WNT6: variants seen among roughly 807,000 people sequenced by gnomAD.
WNT6 encodes the protein Wnt family member 6, also known as protein Wnt-6.
A neutral mutation model predicts 33.1 loss-of-function variants in WNT6; 27 were observed. The observed-to-expected ratio is 0.82, with a 90% CI of 0.60 to 1.12. WNT6 has a LOEUF of 1.12. Ranked by LOEUF, WNT6 falls within the 50% of genes most tolerant of loss-of-function variation. The pLI, the probability that WNT6 is intolerant of heterozygous loss-of-function variation, is 0.00. For synonymous variants in WNT6, 249 were observed against 242.8 expected (o/e 1.03, Z -0.24); for missense variants, 494 against 535.3 (o/e 0.92, Z 0.76).
At position 218,860,013 on chromosome 2, in the gene WNT6, C is replaced by A; in HGVS notation, c.-25C>A. ...GCCCCGCAGCCTCGCCCCCTGCCCA[C>A]CCGGGCGGCCGTAGGGCGGTCACGA... On this transcript the variant is annotated 5_prime_UTR_variant, in exon 1 of 4. Coordinates refer to ENST00000233948, the MANE Select transcript of WNT6 (RefSeq NM_006522.4). The A allele has an allele frequency of 7.0e-7, 1 of 1,429,368 alleles. No individual in the cohort carries two copies. The highest frequency in any genetic ancestry group is 1.4e-5 in the South Asian group (1 of 72,794). 88.5% of individuals were successfully genotyped at this position (1,429,368 alleles called of 1,614,324 possible). A position where few individuals can be genotyped will look rare whatever the true frequency, so the allele number is the denominator to read the frequency against.
rs1944384792 is a variant in WNT6, at chr2:218,869,748, A to G, written c.81-1279A>G. On this transcript the variant is annotated intron_variant, in intron 1 of 3. Coordinates refer to ENST00000233948, the MANE Select transcript of WNT6 (RefSeq NM_006522.4). ...TTAACCTTCAGGGGTCTGGTATACC[A>G]AAACCAAATGTCAGCTCTCTCCTTG... Among the ~76,000 whole-genome samples the G allele has an allele frequency of 3.3e-5, 5 of 152,238 alleles. No homozygotes were observed. In the South Asian group the frequency reaches 1.0e-3, roughly 32 times the overall value.
intron 1 of WNT6, among the ~76,000 whole-genome samples, chr2:218,863,179 C>T (rs1483260771): frequency 1.3e-5 from 2 of 152,146 alleles, no homozygotes; most frequent in Non-Finnish European, 2.9e-5. Context: ...TCTTCCAGTC[C>T]CCTAAATCCC....
Position 218,871,400 on chromosome 2 carries a change from G to A in WNT6, c.302-85G>A, listed in dbSNP as rs1391169229. 1.3e-6 allele frequency: 2 copies of A among 1,520,214 alleles called. No homozygotes were observed. The highest frequency in any genetic ancestry group is 1.4e-5 in the African/African-American group (1 of 72,826). The allele number at this position is 1,520,214 out of a possible 1,614,324, so 94.2% of individuals were successfully genotyped here. Reference sequence around the variant, plus strand: ...AGGACCCTGCCTCCCAGGCCCCTGGGGCAGCCCTCCCGCCGCAGGTTTCAG... The same window carrying A: ...AGGACCCTGCCTCCCAGGCCCCTGGAGCAGCCCTCCCGCCGCAGGTTTCAG... On this transcript the variant is annotated intron_variant, in intron 2 of 3. Coordinates refer to ENST00000233948, the MANE Select transcript of WNT6 (RefSeq NM_006522.4). The surrounding 1 kb of genome is among the most constrained non-coding windows in gnomAD (Gnocchi z 6.4).
At chr2:218,869,410 G>T (rs530811199) in intron 1 of WNT6, among the ~76,000 whole-genome samples, 23 of 152,206 alleles carry the variant, frequency 1.5e-4, no homozygotes, top group Admixed American at 5.2e-4. Context: ...TTTCATTGTT[G>T]TGGAGCCAGA....
intron 1 of WNT6, 92 bp downstream of exon 1, chr2:218,860,209 T>C: frequency 8.3e-7 from 1 of 1,203,746 alleles, no homozygotes; most frequent in South Asian, 2.1e-5. Flanking sequence ...GCCTCCCGGC[T>C]CTACCTGCTC....
intron 1 of WNT6, among the ~76,000 whole-genome samples, chr2:218,869,917 C>T (rs114147843): frequency 0.01 from 1,590 of 152,272 alleles, 30 homozygotes; most frequent in African/African-American, 0.037. Flanking sequence ...CCATTCTGCT[C>T]AGAGAAGGCA....
chr2:218,861,039 A>C (rs1392150893), intron 1 of WNT6, among the ~76,000 whole-genome samples: 1 of 152,184 alleles, frequency 6.6e-6, no homozygotes, highest in Non-Finnish European at 1.5e-5. Context: ...TTGGACAATA[A>C]CGCTGACGGG....
chr2:218,864,703 AGGCCTAGGACAGCCTCATCT>A (rs1944339327), intron 1 of WNT6, among the ~76,000 whole-genome samples: 1 of 152,168 alleles, frequency 6.6e-6, no homozygotes, highest in African/African-American at 2.4e-5. Flanking sequence ...CAAGAGCCAG[AGGCCTAGGACAGCCTCATCT>A]GGCCCCACAG....
In WNT6 at chr2:218,873,882, G is replaced by T. The variant is rs1279938402; in HGVS notation, c.*37G>T. ...GCCGCTAGACTGACTTCGCGCAGCG[G>T]TGGCTCGCACCTGTGGGACCTCAGG... is the stretch of plus-strand genomic sequence containing the variant. On this transcript the variant is annotated 3_prime_UTR_variant, in exon 4 of 4. Coordinates refer to ENST00000233948, the MANE Select transcript of WNT6 (RefSeq NM_006522.4). The surrounding 1 kb of genome is among the most constrained non-coding windows in gnomAD (Gnocchi z 6.1). The T allele has an allele frequency of 7.1e-7, 1 of 1,413,084 alleles. No homozygotes were observed. The highest frequency in any genetic ancestry group is 9.2e-7 in the Non-Finnish European group (1 of 1,088,924). The allele number at this position is 1,413,084 out of a possible 1,614,324, so 87.5% of individuals were successfully genotyped here. A position where few individuals can be genotyped will look rare whatever the true frequency, so the allele number is the denominator to read the frequency against.
rs1310349406 is a variant in WNT6 at position 218,871,538 on chromosome 2, G to A, written c.355G>A (p.Ala119Thr). Residue 119 changes from alanine (A) to threonine (T), a missense_variant, in exon 3 of 4, where the codon GCC becomes ACC. Coordinates refer to ENST00000233948, the MANE Select transcript of WNT6 (RefSeq NM_006522.4). This position sits in a 1 kb window ranked among gnomAD's most constrained non-coding sequence, Gnocchi z 6.4. ...FAITAAGASH[A>T]VTQACSMGEL... ...CATCACTGCGGCCGGCGCCAGCCAC[G>A]CCGTCACGCAGGCCTGTTCTATGGG... 2 of 1,598,318 alleles carry A rather than the reference G, an allele frequency of 1.3e-6. No homozygotes were observed. The highest frequency in any genetic ancestry group is 1.7e-6 in the Non-Finnish European group (2 of 1,179,360).
rs1025181921 is a variant in WNT6, at chr2:218,860,018, G to C, written c.-20G>C. 5 of 1,433,046 alleles carry C rather than the reference G, an allele frequency of 3.5e-6. No homozygotes were observed. Among genetic ancestry groups the C allele is most frequent in the Non-Finnish European group, 1.8e-6 (2 of 1,091,200 alleles). 88.8% of individuals were successfully genotyped at this position (1,433,046 alleles called of 1,614,324 possible). Reference sequence around the variant, plus strand: ...GCAGCCTCGCCCCCTGCCCACCCGGGCGGCCGTAGGGCGGTCACGATGCTG... The same window carrying C: ...GCAGCCTCGCCCCCTGCCCACCCGGCCGGCCGTAGGGCGGTCACGATGCTG... On this transcript the variant is annotated 5_prime_UTR_variant, in exon 1 of 4. Transcript: ENST00000233948.
intron 1 of WNT6, among the ~76,000 whole-genome samples, chr2:218,866,660 G>A (rs1250065403): frequency 1.3e-5 from 2 of 152,202 alleles, no homozygotes; most frequent in African/African-American, 4.8e-5. Flanking sequence ...TGAAGAAACT[G>A]AGGCTCAGGA....
chr2:218,871,196 C>G lies in WNT6; in HGVS notation c.250C>G (p.Arg84Gly), dbSNP rs1172007017. The G allele has an allele frequency of 6.2e-7, 1 of 1,613,584 alleles. No individual in the cohort carries two copies. The highest frequency in any genetic ancestry group is 8.5e-7 in the Non-Finnish European group (1 of 1,179,888). ...GTGCCAGTTCCAGTTCCGCTTCCGC[C>G]GCTGGAATTGCTCCAGCCACAGCAA... ...RECQFQFRFR[R>G]WNCSSHSKAF... The change falls in exon 2 of 4, where the codon CGC becomes GGC. Residue 84 changes from arginine to glycine, a missense_variant. By Grantham distance (125) the Arg-to-Gly change is moderately radical (BLOSUM62 -2). Transcript: ENST00000233948. This position sits in a 1 kb window ranked among gnomAD's most constrained non-coding sequence, Gnocchi z 6.4.
Position 218,871,681 on chromosome 2 carries a change from C to G in WNT6, c.498C>G (p.Ala166=). The G allele has an allele frequency of 6.4e-7, 1 of 1,564,570 alleles. No individual in the cohort carries two copies. Among genetic ancestry groups the G allele is most frequent in the Non-Finnish European group, 8.6e-7 (1 of 1,156,482 alleles). The stretch of plus-strand genomic sequence containing the variant: ...CGGGCTCCCCGGAAGGCAGCGCCGC[C>G]TGGGAGTGGGGAGGCTGCGGCGACG... ...GPAGSPEGSA[A]WEWGGCGDDV... Residue 166 remains alanine, a synonymous_variant, in exon 3 of 4, where the codon GCC becomes GCG. Transcript: ENST00000233948. This position sits in a 1 kb window ranked among gnomAD's most constrained non-coding sequence, Gnocchi z 6.4.
Position 218,871,455 on chromosome 2 carries a change from C to G in WNT6, c.302-30C>G, listed in dbSNP as rs936929595. The G allele has an allele frequency of 3.8e-6, 6 of 1,589,558 alleles. No individual in the cohort carries two copies. Among genetic ancestry groups the G allele is most frequent in the Middle Eastern group, 1.7e-4 (1 of 5,868 alleles). ...CAGGCCCCAGCTGACCGCCCCAGCC[C>G]GCGCTGATTGCACCTGTCTGCATTC... On this transcript the variant is annotated intron_variant, in intron 2 of 3. Coordinates refer to ENST00000233948, the MANE Select transcript of WNT6 (RefSeq NM_006522.4). This position sits in a 1 kb window ranked among gnomAD's most constrained non-coding sequence, Gnocchi z 6.4.
Position 218,873,152 on chromosome 2 carries a change from G to A in WNT6, c.637-232G>A, listed in dbSNP as rs1944418564. On this transcript the variant is annotated intron_variant, in intron 3 of 3. Coordinates refer to ENST00000233948, the MANE Select transcript of WNT6 (RefSeq NM_006522.4). The surrounding 1 kb of genome is among the most constrained non-coding windows in gnomAD (Gnocchi z 6.1). ...AATCTCTGCGCTGCATATTGTCCCC[G>A]TCTCCCCTCTTCGTCATCATCATAT... Among the ~76,000 whole-genome samples the A allele has an allele frequency of 6.6e-6, 1 of 151,640 alleles. No homozygotes were observed. Among genetic ancestry groups the A allele is most frequent in the South Asian group, 2.1e-4 (1 of 4,806 alleles).
rs1199175142 is a variant in WNT6, at chr2:218,871,163, G to A, written c.217G>A (p.Val73Met). The A allele has an allele frequency of 1.2e-6, 2 of 1,613,732 alleles. No homozygotes were observed. The highest frequency in any genetic ancestry group is 2.2e-5 in the East Asian group (1 of 44,884). The change falls in exon 2 of 4, where the codon GTG (valine) becomes ATG (methionine). Residue 73 changes from valine (V) to methionine (M), a missense_variant. Transcript: ENST00000233948. The surrounding 1 kb of genome is among the most constrained non-coding windows in gnomAD (Gnocchi z 6.4). ...AELARGARLG[V>M]RECQFQFRFR... ...GCTAGCTCGGGGCGCCCGGCTCGGG[G>A]TGCGAGAGTGCCAGTTCCAGTTCCG...
chr2:218,873,263 T>C lies in WNT6; in HGVS notation c.637-121T>C, dbSNP rs1944419540. ...TCCCCCTGAACTTGCGGTCTCCTTT[T>C]GTCTGCATTTTCCTCTCTTCCTTTC... On this transcript the variant is annotated intron_variant, in intron 3 of 3. Coordinates refer to ENST00000233948, the MANE Select transcript of WNT6 (RefSeq NM_006522.4). The surrounding 1 kb of genome is among the most constrained non-coding windows in gnomAD (Gnocchi z 6.1). The C allele has an allele frequency of 9.8e-7, 1 of 1,022,458 alleles. No individual in the cohort carries two copies. Among genetic ancestry groups the C allele is most frequent in the African/African-American group, 1.6e-5 (1 of 61,168 alleles). The allele number at this position is 1,022,458 out of a possible 1,614,324, so 63.3% of individuals were successfully genotyped here. A position where few individuals can be genotyped will look rare whatever the true frequency, so the allele number is the denominator to read the frequency against.
rs7572593 is a variant in WNT6, at chr2:218,873,584, G to A, written c.837G>A (p.Pro279=). The A allele has an allele frequency of 5.0e-3, 7,693 of 1,544,540 alleles. 364 individuals are homozygous for A. The African/African-American group carries it at 0.092, about 18-fold the overall frequency. The change falls in exon 4 of 4, where the codon CCG becomes CCA. Residue 279 remains proline (P), a synonymous_variant. Coordinates refer to ENST00000233948, the MANE Select transcript of WNT6 (RefSeq NM_006522.4). This position sits in a 1 kb window ranked among gnomAD's most constrained non-coding sequence, Gnocchi z 6.1. ...LLPAVRTLKP[P]GRADLLYAAD... ...CCGCCGTCCGCACGCTCAAGCCGCC[G>A]GGCCGAGCGGACCTCCTCTACGCCG...
Sources: gnomAD v4.1 joint callset for allele counts (sites outside exome capture counted in the v4.1 genomes callset) on GRCh38, gnomAD v4.1.1 for gene constraint, Gnocchi (gnomAD v3.1) non-coding constraint, MANE v1.5 for transcripts, NCBI Gene and HGNC (gene_info 2026-07-23, HGNC 2026-07-21) for gene names.